RHBDD1: variants seen among roughly 807,000 people sequenced by gnomAD.
The protein encoded by RHBDD1 is rhomboid-related protein 4.
Under a neutral mutation model 36.3 loss-of-function variants are expected in RHBDD1, and 38 were observed. That is an observed-to-expected ratio of 1.05 (90% CI 0.81 to 1.37). The LOEUF is 1.37. RHBDD1 is among the 40% of genes most tolerant of loss of function. The probability of loss-of-function intolerance (pLI) is 0.00; values close to 1 mark genes in which losing one functional copy is unlikely to be tolerated. For synonymous variants in RHBDD1, 151 were observed against 136.5 expected (o/e 1.11, Z -0.74); for missense variants, 393 against 377.6 (o/e 1.04, Z -0.34).
At chr2:226,838,346 C>T (rs1172532204) in intron 2 of RHBDD1, among the ~76,000 whole-genome samples, 192 bp downstream of exon 2, 1 of 152,204 alleles carries the variant, frequency 6.6e-6, no homozygotes, top group Non-Finnish European at 1.5e-5. Flanking sequence ...GTTTATTTTT[C>T]GAAGGCATTA....
At chr2:226,950,334 C>T (rs1344228943) in intron 8 of RHBDD1, among the ~76,000 whole-genome samples, 2 of 152,070 alleles carry the variant, frequency 1.3e-5, no homozygotes, top group African/African-American at 4.8e-5. Flanking sequence ...ATGTATTGTC[C>T]TCCAGTTTCC....
At chr2:226,899,450 G>A (rs922111528) in intron 5 of RHBDD1, among the ~76,000 whole-genome samples, 8 of 152,088 alleles carry the variant, frequency 5.3e-5, no homozygotes, top group African/African-American at 1.9e-4. Flanking sequence ...ATACACAAGT[G>A]CTGCATATCT....
At chr2:226,957,892 A>AATT (rs1159953244) in intron 8 of RHBDD1, among the ~76,000 whole-genome samples, 121 of 152,320 alleles carry the variant, frequency 7.9e-4, no homozygotes, top group African/African-American at 2.9e-3. Context: ...TTTTAAAGGC[A>AATT]ATCTTAGGCT....
intron 3 of RHBDD1, among the ~76,000 whole-genome samples, chr2:226,846,600 C>T (rs1196418444): frequency 6.6e-6 from 1 of 151,854 alleles, no homozygotes; most frequent in Non-Finnish European, 1.5e-5. Flanking sequence ...AAAAATTAAC[C>T]AGGCATGGTG....
At chr2:226,828,010 G>A in the RHBDD1 span, among the ~76,000 whole-genome samples, 2 of 152,158 alleles carry the variant, frequency 1.3e-5, no homozygotes, top group Non-Finnish European at 2.9e-5. Flanking sequence ...TATAGTTTGT[G>A]ATTTTTAATA....
chr2:226,974,857 G>T (rs558548913), intron 8 of RHBDD1, among the ~76,000 whole-genome samples: 2 of 152,084 alleles, frequency 1.3e-5, no homozygotes, highest in African/African-American at 2.4e-5. Context: ...CAGGTACCTC[G>T]CCAGTGCGTG....
intron 5 of RHBDD1, among the ~76,000 whole-genome samples, chr2:226,872,043 C>T: frequency 6.6e-6 from 1 of 152,236 alleles, no homozygotes; most frequent in East Asian, 1.9e-4. Context: ...AGGATGACTT[C>T]TTCATTGGTT....
At chr2:226,863,222 C>G (rs923275213) in intron 3 of RHBDD1, among the ~76,000 whole-genome samples, 2 of 152,156 alleles carry the variant, frequency 1.3e-5, no homozygotes. Context: ...GCCTGTAATC[C>G]CAGCTACTCA....
chr2:226,987,232 G>T (rs919880141), intron 8 of RHBDD1, among the ~76,000 whole-genome samples: 1 of 152,112 alleles, frequency 6.6e-6, no homozygotes, highest in Non-Finnish European at 1.5e-5. Flanking sequence ...TGCATCTGGG[G>T]CTTATAACGA....
intron 5 of RHBDD1, among the ~76,000 whole-genome samples, chr2:226,871,187 A>C (rs946165340): frequency 6.6e-6 from 1 of 152,210 alleles, no homozygotes; most frequent in African/African-American, 2.4e-5. Context: ...TTTTCAATTT[A>C]AATTTTATTT....
At chr2:226,899,615 A>T (rs1456228572) in intron 5 of RHBDD1, among the ~76,000 whole-genome samples, 1 of 152,198 alleles carries the variant, frequency 6.6e-6, no homozygotes. Flanking sequence ...GTCCAAAATA[A>T]AGAGAAAATC....
intron 8 of RHBDD1, among the ~76,000 whole-genome samples, chr2:226,990,669 T>C (rs923178214): frequency 1.3e-5 from 2 of 152,164 alleles, no homozygotes; most frequent in Admixed American, 6.5e-5. Context: ...CTACTGCATT[T>C]TACATAAGGG....
At chr2:226,862,701 G>A (rs1432010008) in intron 3 of RHBDD1, among the ~76,000 whole-genome samples, 4 of 152,110 alleles carry the variant, frequency 2.6e-5, no homozygotes, top group African/African-American at 7.2e-5. Flanking sequence ...TCCGTTTAGG[G>A]TTGCTATAAA....
At chr2:226,810,356 A>T in the RHBDD1 span, among the ~76,000 whole-genome samples, 3 of 151,954 alleles carry the variant, frequency 2.0e-5, no homozygotes, top group Admixed American at 2.0e-4. Context: ...CCTGGCCAAC[A>T]TGACAAAATC....
At chr2:226,901,403 G>A (rs1947581364) in intron 5 of RHBDD1, among the ~76,000 whole-genome samples, 1 of 152,176 alleles carries the variant, frequency 6.6e-6, no homozygotes, top group African/African-American at 2.4e-5. Flanking sequence ...ATATGCAGAA[G>A]TAGAATTGCT....
chr2:226,882,228 G>A (rs997338693), intron 5 of RHBDD1, among the ~76,000 whole-genome samples: 14 of 151,530 alleles, frequency 9.2e-5, no homozygotes, highest in African/African-American at 2.4e-4. Flanking sequence ...TCAGGAGTTC[G>A]AGACCAGCCT....
the RHBDD1 span, among the ~76,000 whole-genome samples, chr2:226,825,918 AAC>A: frequency 0.03 from 4,528 of 152,296 alleles, 87 homozygotes; most frequent in Non-Finnish European, 0.042. Flanking sequence ...TTAAGAAAAT[AAC>A]AGTTATCGGG....
intron 5 of RHBDD1, among the ~76,000 whole-genome samples, chr2:226,876,859 G>C (rs746702165): frequency 6.6e-6 from 1 of 152,122 alleles, no homozygotes. Context: ...CACAATATGT[G>C]TTCACATAGA....
At chr2:226,977,432 T>G (rs1264040664) in intron 8 of RHBDD1, among the ~76,000 whole-genome samples, 1 of 152,196 alleles carries the variant, frequency 6.6e-6, no homozygotes, top group Non-Finnish European at 1.5e-5. Context: ...AAAGAATCCC[T>G]TATGGTTTTT....
Sources: allele counts gnomAD v4.1 joint callset (sites outside exome capture counted in the v4.1 genomes callset), GRCh38; gene constraint gnomAD v4.1.1; transcripts MANE v1.5; gene names NCBI Gene and HGNC (gene_info 2026-07-23, HGNC 2026-07-21).